RBMS3: variants seen among roughly 807,000 people sequenced by gnomAD.
RBMS3 encodes RNA binding motif single stranded interacting protein 3, also known as RNA-binding motif, single-stranded-interacting protein 3.
A neutral mutation model predicts 66.8 loss-of-function variants in RBMS3; 27 were observed. That is an observed-to-expected ratio of 0.40 (90% CI 0.30 to 0.56). RBMS3 has a LOEUF of 0.56. RBMS3 is among the 20% of genes least tolerant of loss of function. RBMS3 has a pLI of 0.40. For synonymous variants in RBMS3, 188 were observed against 183.0 expected, an observed-to-expected ratio of 1.03 and a Z score of -0.22; for missense variants, 513 against 549.5, an observed-to-expected ratio of 0.93 and a Z score of 0.66.
chr3:29,802,230 G>A (rs932363281), intron 6 of RBMS3, among the ~76,000 whole-genome samples: 1 of 152,082 alleles, frequency 6.6e-6, no homozygotes. Flanking sequence ...CTACTTTATG[G>A]GCTATTTGCT....
intron 4 of RBMS3, among the ~76,000 whole-genome samples, chr3:29,692,353 G>A (rs1329861410): frequency 6.6e-6 from 1 of 151,988 alleles, no homozygotes; most frequent in Non-Finnish European, 1.5e-5. Flanking sequence ...AACCAAGCTT[G>A]CTAAGACTTA....
At chr3:29,850,831 G>A (rs932294862) in intron 6 of RBMS3, among the ~76,000 whole-genome samples, 1 of 152,152 alleles carries the variant, frequency 6.6e-6, no homozygotes, top group Non-Finnish European at 1.5e-5. Flanking sequence ...AGCCTTTAGA[G>A]GTCGCTGTCA....
At chr3:29,877,225 T>C (rs1041288806) in intron 7 of RBMS3, among the ~76,000 whole-genome samples, 1 of 152,106 alleles carries the variant, frequency 6.6e-6, no homozygotes, top group Non-Finnish European at 1.5e-5. Flanking sequence ...AGAAAGTGAA[T>C]GTCACCACTG....
At chr3:29,911,100 T>C (rs2060502715) in intron 10 of RBMS3, among the ~76,000 whole-genome samples, 2 of 152,060 alleles carry the variant, frequency 1.3e-5, no homozygotes, top group South Asian at 4.1e-4. Context: ...TTACTCACTG[T>C]GGAGGGAGTA....
intron 4 of RBMS3, among the ~76,000 whole-genome samples, chr3:29,605,909 T>C (rs1224736543): frequency 6.6e-6 from 1 of 151,732 alleles, no homozygotes; most frequent in East Asian, 1.9e-4. Flanking sequence ...TTGACCTTAG[T>C]ATGTGGTTTT....
rs564669287 is a variant in RBMS3 at position 29,532,735 on chromosome 3, T to C, written c.307+44236T>C. On this transcript the variant is annotated intron_variant, in intron 3 of 14. Coordinates refer to ENST00000383767, the MANE Select transcript of RBMS3 (RefSeq NM_001003793.3). ...CGTAGCCAGATCCAGTCTCTAAAAA[T>C]AGCAACAAGAATAATTGTGAGACCT... is the stretch of plus-strand genomic sequence containing the variant. 7.9e-5 allele frequency among the ~76,000 whole-genome samples: 12 copies of C among 152,102 alleles called. No individual in the cohort carries two copies. The South Asian group carries it at 1.5e-3, about 18-fold the overall frequency.
At chr3:29,623,841 T>C (rs75462561) in intron 4 of RBMS3, among the ~76,000 whole-genome samples, 3,008 of 152,228 alleles carry the variant, frequency 0.02, 39 homozygotes, top group Middle Eastern at 0.034. Flanking sequence ...AAGATAACAA[T>C]GGACTATGAA....
intron 4 of RBMS3, among the ~76,000 whole-genome samples, chr3:29,654,018 G>C (rs2050234509): frequency 6.6e-6 from 1 of 152,174 alleles, no homozygotes; most frequent in Non-Finnish European, 1.5e-5. Context: ...GATGAATTAT[G>C]TCCCTTCTGA....
At chr3:29,899,087 G>A (rs532073351) in intron 9 of RBMS3, among the ~76,000 whole-genome samples, 26 of 151,592 alleles carry the variant, frequency 1.7e-4, no homozygotes, top group Admixed American at 1.6e-3. Context: ...TTTTTCATTT[G>A]TCTGACACAT....
chr3:29,597,045 A>G (rs1211033213), intron 4 of RBMS3, among the ~76,000 whole-genome samples: 3 of 152,174 alleles, frequency 2.0e-5, no homozygotes, highest in Non-Finnish European at 4.4e-5. Flanking sequence ...GACAAGATGG[A>G]CATCTTTGTT....
Position 29,791,597 on chromosome 3 carries a change from G to A in RBMS3, c.637+28608G>A, listed in dbSNP as rs529238104. Reference sequence around the variant, plus strand: ...GAATAGATTTTACTGTTTATCATTAGGAGGAGAGGATTTTTTTACCTTACA... The same window carrying A: ...GAATAGATTTTACTGTTTATCATTAAGAGGAGAGGATTTTTTTACCTTACA... On this transcript the variant is annotated intron_variant, in intron 6 of 14. Transcript: ENST00000383767. 3.9e-5 allele frequency among the ~76,000 whole-genome samples: 6 copies of A among 152,202 alleles called. No individual in the cohort carries two copies. In the South Asian group the frequency reaches 1.2e-3, roughly 32 times the overall value.
At position 29,625,704 on chromosome 3, in the gene RBMS3, A is replaced by ATAAG. The variant is rs201156987; in HGVS notation, c.399+38502_399+38503insGTAA. Reference sequence around the variant, plus strand: ...AAAGAGTGAAACGCCATTAAAGTAAATAAATAAATAAATAAATAAATAAAT... The same window carrying ATAAG: ...AAAGAGTGAAACGCCATTAAAGTAAATAAGTAAATAAATAAATAAATAAATAAAT... On this transcript the variant is annotated intron_variant, in intron 4 of 14. Coordinates refer to ENST00000383767, the MANE Select transcript of RBMS3 (RefSeq NM_001003793.3). Among the ~76,000 whole-genome samples the ATAAG allele has an allele frequency of 8.8e-3, 1,168 of 133,266 alleles. 15 individuals carry two copies. Among genetic ancestry groups the ATAAG allele is most frequent in the African/African-American group, 0.032 (1,108 of 34,350 alleles). The allele number at this position is 133,266 out of a possible 152,430, so 87.4% of individuals were successfully genotyped here. A position where few individuals can be genotyped will look rare whatever the true frequency, so the allele number is the denominator to read the frequency against.
intron 6 of RBMS3, chr3:29,766,902 A>G (rs1292538959): frequency 6.6e-6 from 1 of 151,972 alleles, no homozygotes; most frequent in African/African-American, 2.4e-5. Context: ...GAGATCATTC[A>G]GCGTTTTCTC....
At chr3:29,918,425 TATC>T (rs1489600393) in intron 10 of RBMS3, among the ~76,000 whole-genome samples, 2 of 152,164 alleles carry the variant, frequency 1.3e-5, no homozygotes, top group Non-Finnish European at 2.9e-5. Context: ...ATCCAAATAC[TATC>T]ATAATTTAAT....
At chr3:29,629,679 T>C (rs182936855) in intron 4 of RBMS3, among the ~76,000 whole-genome samples, 1 of 152,208 alleles carries the variant, frequency 6.6e-6, no homozygotes, top group Admixed American at 6.6e-5. Context: ...TTGAATTTTC[T>C]CTAAGGCCAA....
intron 10 of RBMS3, among the ~76,000 whole-genome samples, chr3:29,914,121 CAG>C (rs2060582666): frequency 6.6e-6 from 1 of 151,812 alleles, no homozygotes; most frequent in African/African-American, 2.4e-5. Flanking sequence ...TGAGGTTATT[CAG>C]AGTTACATTT....
At chr3:29,530,157 T>C (rs997460935) in intron 3 of RBMS3, among the ~76,000 whole-genome samples, 1 of 152,228 alleles carries the variant, frequency 6.6e-6, no homozygotes, top group African/African-American at 2.4e-5. Context: ...GACCTATGTA[T>C]AGCCGGATCC....
At chr3:29,491,598 A>G (rs1293989295) in intron 3 of RBMS3, among the ~76,000 whole-genome samples, 1 of 152,200 alleles carries the variant, frequency 6.6e-6, no homozygotes, top group African/African-American at 2.4e-5. Context: ...GAAAAGGAGT[A>G]AGAGAAGGAG....
At chr3:29,426,249 T>C (rs1369417995) in intron 1 of RBMS3, among the ~76,000 whole-genome samples, 3 of 152,230 alleles carry the variant, frequency 2.0e-5, no homozygotes, top group Admixed American at 6.5e-5. Context: ...AGACCAGATG[T>C]CACTGCCATT....
Sources: gnomAD v4.1 joint callset for allele counts (sites outside exome capture counted in the v4.1 genomes callset) on GRCh38, gnomAD v4.1.1 for gene constraint, MANE v1.5 for transcripts, NCBI Gene and HGNC (gene_info 2026-07-23, HGNC 2026-07-21) for gene names.